The following CENPU variants were observed in gnomAD, a reference collection of about 807,000 sequenced individuals.
CENPU encodes the protein KSHV latent nuclear antigen interacting protein 1.
A neutral mutation model predicts 56.7 loss-of-function variants in CENPU; 46 were observed. The ratio of observed to expected loss-of-function variants is 0.81; its 90% CI spans 0.64 to 1.04. The LOEUF is 1.04. CENPU is among the 50% of genes least tolerant of loss of function. The pLI, the probability that CENPU is intolerant of heterozygous loss-of-function variation, is 0.00. For synonymous variants in CENPU, 166 were observed against 163.0 expected, an observed-to-expected ratio of 1.02 and a Z score of -0.14; for missense variants, 510 against 490.1, an observed-to-expected ratio of 1.04 and a Z score of -0.38.
rs111241235 is a variant in CENPU, at chr4:184,697,375, A to C, written c.1143+272T>G. 2.4e-3 allele frequency among the ~76,000 whole-genome samples: 363 copies of C among 148,362 alleles called. 1 individual carries two copies. Among genetic ancestry groups the C allele is most frequent in the African/African-American group, 8.4e-3 (347 of 41,256 alleles). ...TTTTTCAATTGAGATTTATACACAG[A>C]ATAAAAACTTCCCTTGATGAAATTC... On this transcript the variant is annotated intron_variant, in intron 12 of 12. Transcript: ENST00000281453.
chr4:184,725,706 C>G (rs1304620410), intron 3 of CENPU, among the ~76,000 whole-genome samples: 1 of 152,054 alleles, frequency 6.6e-6, no homozygotes, highest in Non-Finnish European at 1.5e-5. Flanking sequence ...AATGAAAAGC[C>G]CTTTGGGGAG....
intron 12 of CENPU, 94 bp from the exon 13 acceptor site, chr4:184,695,495 A>T (rs980271217): frequency 4.7e-5 from 36 of 771,110 alleles, no homozygotes; most frequent in Admixed American, 8.3e-5. Context: ...ATTTTGATTG[A>T]GCTTTCCATT....
At chr4:184,708,158 A>G (rs1760788981) in intron 8 of CENPU, among the ~76,000 whole-genome samples, 1 of 144,566 alleles carries the variant, frequency 6.9e-6, no homozygotes. Context: ...TGGGAGGTGG[A>G]AGTTGCAGGG....
chr4:184,700,797 A>C, intron 11 of CENPU, 23 bp downstream of exon 11: 1 of 1,607,300 alleles, frequency 6.2e-7, no homozygotes, highest in Non-Finnish European at 8.5e-7. Context: ...TAAGTGCTCA[A>C]ACAGGATTTG....
At chr4:184,709,636 A>G (rs1039950472) in intron 8 of CENPU, among the ~76,000 whole-genome samples, 1 of 152,216 alleles carries the variant, frequency 6.6e-6, no homozygotes, top group Non-Finnish European at 1.5e-5. Context: ...AATTTTAAAC[A>G]TGATTTTCCT....
rs562672898 is a variant in CENPU at position 184,715,462 on chromosome 4, G to A, written c.618+935C>T. Among the ~76,000 whole-genome samples the A allele has an allele frequency of 4.6e-4, 70 of 152,202 alleles. 1 individual carries two copies. Among genetic ancestry groups the A allele is most frequent in the African/African-American group, 1.3e-3 (55 of 41,528 alleles). Reference sequence around the variant, plus strand: ...TGAGTAGCTGCGATTACAGGCACGCGCCACCACATCCAGCTAATTTTTGTA... The same window carrying A: ...TGAGTAGCTGCGATTACAGGCACGCACCACCACATCCAGCTAATTTTTGTA... On this transcript the variant is annotated intron_variant, in intron 6 of 12. Coordinates refer to ENST00000281453, the MANE Select transcript of CENPU (RefSeq NM_024629.4).
intron 1 of CENPU, chr4:184,733,500 T>C: frequency 1.2e-6 from 1 of 844,114 alleles, no homozygotes; most frequent in Non-Finnish European, 1.4e-6. Flanking sequence ...CTCGCTTTCT[T>C]TGGTAAACAA....
rs145597868 is a variant in CENPU at position 184,730,938 on chromosome 4, T to C, written c.78A>G (p.Arg26=). 2.0e-4 allele frequency: 322 copies of C among 1,582,386 alleles called. No individual in the cohort carries two copies. The highest frequency in any genetic ancestry group is 1.2e-3 in the Middle Eastern group (7 of 5,984). Residue 26 remains arginine (R), a synonymous_variant, in exon 2 of 13, where the codon AGA becomes AGG. Transcript: ENST00000281453. ...AACTTACATCTTTCATGGAATGTGTTCTTTCTAAAGTGTTCTTTGAACGTC... is the reference window on the plus strand; with the variant it reads ...AACTTACATCTTTCATGGAATGTGTCCTTTCTAAAGTGTTCTTTGAACGTC... ...GARRSKNTLE[R]THSMKDKAGQ...
At chr4:184,709,590 G>A (rs989242503) in intron 8 of CENPU, among the ~76,000 whole-genome samples, 3 of 152,070 alleles carry the variant, frequency 2.0e-5, no homozygotes, top group Non-Finnish European at 2.9e-5. Context: ...AATAGAGTGG[G>A]TGACCAACTA....
chr4:184,733,985 C>G lies in CENPU; in HGVS notation c.47+31G>C, dbSNP rs57266659. On this transcript the variant is annotated intron_variant, in intron 1 of 12. Coordinates refer to ENST00000281453, the MANE Select transcript of CENPU (RefSeq NM_024629.4). ...GGAAGCAGTTCAAGCTGGTCTCCGG[C>G]CCCGCGCTCCCGAGGGTCGGCAGTA... 2,626 of 1,610,746 alleles carry G rather than the reference C, an allele frequency of 1.6e-3. 33 individuals carry two copies. The African/African-American group carries it at 0.029, about 18-fold the overall frequency.
chr4:184,700,821 G>A lies in CENPU; in HGVS notation c.985C>T (p.Arg329Trp), dbSNP rs551479867. ...AAACAGGATTTGACAGTATCTTACC[G>A]AAGCAGTTCATCCTGGACTTCAATC... ...RMIEVQDELL[R>W]LEPQLKQLQT... Residue 329 changes from arginine to tryptophan, a missense_variant and splice_region_variant, in exon 11 of 13, where the codon CGG (arginine) becomes TGG (tryptophan). Coordinates refer to ENST00000281453, the MANE Select transcript of CENPU (RefSeq NM_024629.4). The A allele has an allele frequency of 4.5e-5, 72 of 1,612,932 alleles. No homozygotes were observed. In the Middle Eastern group the frequency reaches 6.6e-4, roughly 15 times the overall value.
At chr4:184,731,904 T>TGTGC (rs1554013231) in intron 1 of CENPU, among the ~76,000 whole-genome samples, 5 of 151,998 alleles carry the variant, frequency 3.3e-5, no homozygotes, top group African/African-American at 1.2e-4. Context: ...TGTGTGTGTG[T>TGTGC]GTGTGTCTGG....
At position 184,694,920 on chromosome 4, in the gene CENPU, A is replaced by G. The variant is rs1760187124; in HGVS notation, c.*368T>C. The G allele has an allele frequency of 1.5e-6, 1 of 674,946 alleles. No individual in the cohort carries two copies. The highest frequency in any genetic ancestry group is 2.4e-6 in the Non-Finnish European group (1 of 415,508). 41.8% of individuals were successfully genotyped at this position (674,946 alleles called of 1,614,324 possible). On this transcript the variant is annotated 3_prime_UTR_variant, in exon 13 of 13. Transcript: ENST00000281453. ...CAATTTTTGTTTTTTACTTCTGTAAACCAATTTCATTAAAAATTAGCTTTG... is the reference window on the plus strand; with the variant it reads ...CAATTTTTGTTTTTTACTTCTGTAAGCCAATTTCATTAAAAATTAGCTTTG...
intron 4 of CENPU, among the ~76,000 whole-genome samples, chr4:184,717,924 C>A (rs35764203): frequency 0.18 from 27,113 of 152,156 alleles, 2,711 homozygotes; most frequent in African/African-American, 0.26. Flanking sequence ...ATGTAAAAGC[C>A]TGGTGGTGTA....
chr4:184,731,080 A>G (rs1480655777), intron 1 of CENPU, 112 bp from the exon 2 acceptor site: 6 of 753,586 alleles, frequency 8.0e-6, no homozygotes, highest in African/African-American at 7.5e-5. Context: ...ACAAGAACCC[A>G]TATTCCACAA....
chr4:184,700,848 T>C lies in CENPU; in HGVS notation c.958A>G (p.Met320Val), dbSNP rs141051170. ...ISDIEKKRQR[M>V]IEVQDELLRL... is the part of the protein sequence containing the mutation. ...AGCAGTTCATCCTGGACTTCAATCATACGCTGCCTTTTCTTTTCGATATCT... is the reference window on the plus strand; with the variant it reads ...AGCAGTTCATCCTGGACTTCAATCACACGCTGCCTTTTCTTTTCGATATCT... Residue 320 changes from methionine (M) to valine (V), a missense_variant, in exon 11 of 13, where the codon ATG becomes GTG. Coordinates refer to ENST00000281453, the MANE Select transcript of CENPU (RefSeq NM_024629.4). The C allele has an allele frequency of 6.2e-7, 1 of 1,613,946 alleles. No homozygotes were observed.
chr4:184,717,098 T>A (rs780803073), intron 5 of CENPU, 38 bp downstream of exon 5: 3 of 1,380,426 alleles, frequency 2.2e-6, no homozygotes, highest in Non-Finnish European at 3.1e-6. Context: ...TCAAACTATA[T>A]TACAAATTAA....
Position 184,729,460 on chromosome 4 carries a change from G to A in CENPU, c.97-425C>T, listed in dbSNP as rs1301505910. Among the ~76,000 whole-genome samples, 9 of 152,364 alleles carry A rather than the reference G, an allele frequency of 5.9e-5. No individual in the cohort carries two copies. In the South Asian group the frequency reaches 1.4e-3, roughly 25 times the overall value. On this transcript the variant is annotated intron_variant, in intron 2 of 12. Transcript: ENST00000281453. ...AGACAGTAACCACACAGAAAAGAAT[G>A]AGCATGGCTGTGTTCCAATACAATT... is the stretch of plus-strand genomic sequence containing the variant.
At chr4:184,698,426 C>G (rs1561126460) in intron 11 of CENPU, 1 of 152,214 alleles carries the variant, frequency 6.6e-6, no homozygotes, top group Non-Finnish European at 1.5e-5. Context: ...ACACAATTCT[C>G]TAATATAATT....
Sources: allele counts gnomAD v4.1 joint callset (sites outside exome capture counted in the v4.1 genomes callset), GRCh38; gene constraint gnomAD v4.1.1; transcripts MANE v1.5; gene names NCBI Gene and HGNC (gene_info 2026-07-23, HGNC 2026-07-21).